Variants in PLXNA4 observed in about 807,000 individuals in gnomAD.
PLXNA4 encodes the protein plexin-A4.
A neutral mutation model predicts 191.8 loss-of-function variants in PLXNA4; 44 were observed. The observed-to-expected ratio is 0.23, with a 90% CI of 0.18 to 0.29. The LOEUF is 0.29. PLXNA4 is among the 10% of genes least tolerant of loss of function. The probability of loss-of-function intolerance (pLI) is 1.00; values close to 1 mark genes in which losing one functional copy is unlikely to be tolerated. For synonymous variants in PLXNA4, 1,082 were observed against 1,009.5 expected, an observed-to-expected ratio of 1.07 and a Z score of -1.36; for missense variants, 1,800 against 2,488.8, an observed-to-expected ratio of 0.72 and a Z score of 5.89.
chr7:132,270,894 T>A (rs916083730), intron 4 of PLXNA4, among the ~76,000 whole-genome samples: 1 of 152,152 alleles, frequency 6.6e-6, no homozygotes. Flanking sequence ...TAGAAAAATG[T>A]TTTTTGAAAC....
chr7:132,244,739 T>C (rs910927415), intron 4 of PLXNA4, among the ~76,000 whole-genome samples: 1 of 152,230 alleles, frequency 6.6e-6, no homozygotes, highest in African/African-American at 2.4e-5. Flanking sequence ...TGCACAGCTC[T>C]CCATCTCTAT....
At chr7:132,428,776 A>T (rs961692334) in intron 3 of PLXNA4, among the ~76,000 whole-genome samples, 16 of 152,092 alleles carry the variant, frequency 1.1e-4, no homozygotes, top group Admixed American at 1.0e-3. Context: ...ATTGTTTCCA[A>T]TCAGTTTAGG....
At chr7:132,415,253 C>A (rs2117113615) in intron 3 of PLXNA4, among the ~76,000 whole-genome samples, 1 of 152,344 alleles carries the variant, frequency 6.6e-6, no homozygotes, top group Non-Finnish European at 1.5e-5. Context: ...GCCCTGCTCC[C>A]CATCGCCCAA....
chr7:132,271,482 C>T (rs1423624092), intron 4 of PLXNA4, among the ~76,000 whole-genome samples: 1 of 151,736 alleles, frequency 6.6e-6, no homozygotes, highest in Non-Finnish European at 1.5e-5. Context: ...CCCTCCACCC[C>T]AGTGGTTACT....
chr7:132,161,452 C>T (rs1399013291), intron 24 of PLXNA4, among the ~76,000 whole-genome samples: 3 of 152,208 alleles, frequency 2.0e-5, no homozygotes, highest in South Asian at 2.1e-4. Flanking sequence ...GGACAAGCTG[C>T]CTCATGATTT....
chr7:132,634,623 T>G (rs1803559739), intron 2 of PLXNA4, among the ~76,000 whole-genome samples: 1 of 152,224 alleles, frequency 6.6e-6, no homozygotes, highest in Admixed American at 6.5e-5. Flanking sequence ...TGCTGTTCTC[T>G]CTGAATATTG....
rs1794786410 is a variant in PLXNA4 at position 132,127,011 on chromosome 7, T to C, written c.*3468A>G. On this transcript the variant is annotated 3_prime_UTR_variant, in exon 32 of 32. Coordinates refer to ENST00000321063, the MANE Select transcript of PLXNA4 (RefSeq NM_020911.2). ...GGAAGGACAAAGAATGGGTAAAAGC[T>C]GCATCTGGGGGGACTTGTGGCCAGG... is the stretch of plus-strand genomic sequence containing the variant. The C allele has an allele frequency of 6.8e-6, 1 of 147,120 alleles. No individual in the cohort carries two copies. 9.1% of individuals were successfully genotyped at this position (147,120 alleles called of 1,614,324 possible).
At chr7:132,141,555 T>G (rs948559337) in intron 29 of PLXNA4, among the ~76,000 whole-genome samples, 1 of 152,076 alleles carries the variant, frequency 6.6e-6, no homozygotes, top group Admixed American at 6.5e-5. Flanking sequence ...AAGGCAGACA[T>G]GAAATCAACT....
intron 3 of PLXNA4, among the ~76,000 whole-genome samples, chr7:132,323,210 G>C (rs189014215): frequency 8.5e-5 from 13 of 152,300 alleles, no homozygotes; most frequent in Admixed American, 3.9e-4. Context: ...CTGTACATGT[G>C]CATTGCTGGG....
At chr7:132,370,309 T>G (rs1358855843) in intron 3 of PLXNA4, among the ~76,000 whole-genome samples, 3 of 152,088 alleles carry the variant, frequency 2.0e-5, no homozygotes, top group African/African-American at 7.2e-5. Context: ...TGGCATGAGA[T>G]GCAAGGGAAG....
chr7:132,243,716 A>G (rs11761047), intron 4 of PLXNA4, among the ~76,000 whole-genome samples: 5,928 of 148,034 alleles, frequency 0.04, 185 homozygotes, highest in Non-Finnish European at 0.059. Context: ...AGATGATGCA[A>G]TGGTTTTGTA....
At chr7:132,599,799 A>G (rs1802783424) in intron 2 of PLXNA4, among the ~76,000 whole-genome samples, 1 of 152,068 alleles carries the variant, frequency 6.6e-6, no homozygotes, top group African/African-American at 2.4e-5. Context: ...ATTTTTTTCA[A>G]TAAAGATAAT....
chr7:132,179,857 C>G lies in PLXNA4; in HGVS notation c.3704G>C (p.Ser1235Thr), dbSNP rs772034422. The G allele has an allele frequency of 1.2e-6, 2 of 1,613,348 alleles. No homozygotes were observed. Among genetic ancestry groups the G allele is most frequent in the Admixed American group, 3.3e-5 (2 of 59,986 alleles). Residue 1235 changes from serine to threonine, a missense_variant, in exon 20 of 32, where the codon AGC becomes ACC. By Grantham distance (58) the Ser-to-Thr change is moderately conservative. Around this residue, in one of 6 missense-constraint regions of PLXNA4, gnomAD observed 1,397 missense variants for 1,880.4 expected, o/e 0.74. Coordinates refer to ENST00000321063, the MANE Select transcript of PLXNA4 (RefSeq NM_020911.2). Reference protein sequence around the residue: ...MVYIAPDSPLSLPAIVSIAVA... With the variant: ...MVYIAPDSPLTLPAIVSIAVA... ...TGCGATGCTGACGATGGCGGGCAGG[C>G]TGAGCGGGCTGTCCGGGGCAATGTA...
At chr7:132,444,983 C>G (rs1585144411) in intron 3 of PLXNA4, among the ~76,000 whole-genome samples, 1 of 151,318 alleles carries the variant, frequency 6.6e-6, no homozygotes, top group Non-Finnish European at 1.5e-5. Flanking sequence ...AACCCTGTCT[C>G]TACTTAAAAA....
intron 2 of PLXNA4, among the ~76,000 whole-genome samples, chr7:132,635,856 C>G (rs1412706472): frequency 6.6e-6 from 1 of 152,156 alleles, no homozygotes; most frequent in Non-Finnish European, 1.5e-5. Context: ...CTTAACAACA[C>G]AGGAGTTTTC....
At chr7:132,320,989 CTGTT>C (rs1306982954) in intron 3 of PLXNA4, among the ~76,000 whole-genome samples, 1 of 152,162 alleles carries the variant, frequency 6.6e-6, no homozygotes, top group Non-Finnish European at 1.5e-5. Flanking sequence ...CCAAATCTCC[CTGTT>C]TTTCTGCCCT....
At chr7:132,223,468 C>G in intron 9 of PLXNA4, 59 bp downstream of exon 9, 2 of 1,428,252 alleles carry the variant, frequency 1.4e-6, no homozygotes, top group South Asian at 1.2e-5. Flanking sequence ...GAATGCCTCT[C>G]TTCTGTGTCC....
chr7:132,161,745 C>T (rs558173758), intron 24 of PLXNA4, among the ~76,000 whole-genome samples: 30 of 150,644 alleles, frequency 2.0e-4, no homozygotes, highest in African/African-American at 7.1e-4. Context: ...GGCTCCCGGG[C>T]GGGCACCTAG....
intron 2 of PLXNA4, among the ~76,000 whole-genome samples, chr7:132,605,466 A>G (rs1336352730): frequency 6.6e-6 from 1 of 152,106 alleles, no homozygotes; most frequent in African/African-American, 2.4e-5. Flanking sequence ...GGGTGACATG[A>G]TAAGTGGTGG....
Sources: gnomAD v4.1 joint callset for allele counts (sites outside exome capture counted in the v4.1 genomes callset) on GRCh38, gnomAD v4.1.1 for gene constraint, gnomAD v4.1.1 regional missense constraint, MANE v1.5 for transcripts, NCBI Gene and HGNC (gene_info 2026-07-23, HGNC 2026-07-21) for gene names.